The following PDE10A variants were observed in gnomAD, a reference collection of about 807,000 sequenced individuals.
PDE10A encodes cAMP and cAMP-inhibited cGMP 3',5'-cyclic phosphodiesterase 10A.
Under a neutral mutation model 97.7 loss-of-function variants are expected in PDE10A, and 39 were observed. The observed-to-expected ratio is 0.40, with a 90% CI of 0.31 to 0.52. The LOEUF (loss-of-function observed/expected upper bound fraction) is 0.52. Among genes scored for constraint, PDE10A ranks in the 20% least tolerant of loss-of-function variants. The probability of loss-of-function intolerance (pLI) is 0.56; values close to 1 mark genes in which losing one functional copy is unlikely to be tolerated. For missense variants in PDE10A, 731 were observed against 1,047.8 expected, an observed-to-expected ratio of 0.70 and a Z score of 4.17; for synonymous variants, 371 against 376.8, an observed-to-expected ratio of 0.98 and a Z score of 0.18.
chr6:165,834,116 G>A (rs760695197), intron 1 of PDE10A, among the ~76,000 whole-genome samples: 2 of 152,204 alleles, frequency 1.3e-5, no homozygotes, highest in African/African-American at 2.4e-5. Flanking sequence ...GACTTCATAT[G>A]TAGGTGTGGC....
intron 1 of PDE10A, among the ~76,000 whole-genome samples, chr6:165,873,363 C>G (rs1781253112): frequency 6.6e-6 from 1 of 152,222 alleles, no homozygotes; most frequent in African/African-American, 2.4e-5. Context: ...GCAGAGAGGT[C>G]ATTCCCTGGG....
At chr6:165,433,451 C>T (rs566278716) in intron 6 of PDE10A, among the ~76,000 whole-genome samples, 1 of 152,146 alleles carries the variant, frequency 6.6e-6, no homozygotes, top group East Asian at 1.9e-4. Flanking sequence ...CTTCTATGTG[C>T]CGGAACAGTC....
At chr6:165,717,528 G>A (rs541169005) in intron 1 of PDE10A, among the ~76,000 whole-genome samples, 19 of 152,024 alleles carry the variant, frequency 1.2e-4, no homozygotes, top group African/African-American at 4.1e-4. Context: ...AGGTTGTAGT[G>A]AGCCTAGATC....
In PDE10A at chr6:165,671,030, T is replaced by A. The variant is rs189205322; in HGVS notation, c.-614-127462A>T. The stretch of plus-strand genomic sequence containing the variant: ...CACTTTATACGTCTACAGACTAGGG[T>A]TATCTGACCCATCTTTCCGATCAGA... On this transcript the variant is annotated intron_variant, in intron 1 of 19. Transcript: ENST00000366882. This position sits in a 1 kb window ranked among gnomAD's most constrained non-coding sequence, Gnocchi z 4.6. Among the ~76,000 whole-genome samples the A allele has an allele frequency of 6.6e-6, 1 of 152,298 alleles. No individual in the cohort carries two copies. Among genetic ancestry groups the A allele is most frequent in the Admixed American group, 6.5e-5 (1 of 15,292 alleles).
At chr6:165,595,504 T>C (rs1371911665) in intron 1 of PDE10A, among the ~76,000 whole-genome samples, 4 of 152,220 alleles carry the variant, frequency 2.6e-5, no homozygotes, top group Non-Finnish European at 4.4e-5. Context: ...TGTTTGCCCA[T>C]GTTCCATTAT....
chr6:165,805,700 A>G (rs1436898834), intron 1 of PDE10A, among the ~76,000 whole-genome samples: 1 of 152,178 alleles, frequency 6.6e-6, no homozygotes, highest in Non-Finnish European at 1.5e-5. Flanking sequence ...GGATCTCCCC[A>G]GTTCACTGGC....
At chr6:165,355,713 T>C (rs1426839033) in intron 18 of PDE10A, among the ~76,000 whole-genome samples, 2 of 152,176 alleles carry the variant, frequency 1.3e-5, no homozygotes, top group African/African-American at 4.8e-5. Context: ...TGGATAAAAA[T>C]ACCTGAGAGT....
chr6:165,625,923 G>A (rs755638192), intron 1 of PDE10A, among the ~76,000 whole-genome samples: 33 of 152,316 alleles, frequency 2.2e-4, no homozygotes, highest in Non-Finnish European at 3.5e-4. Context: ...GATTCGTTGC[G>A]TTCGGGGGAA....
At chr6:165,918,213 A>C (rs890622001) in intron 1 of PDE10A, among the ~76,000 whole-genome samples, 3 of 152,190 alleles carry the variant, frequency 2.0e-5, no homozygotes, top group African/African-American at 7.2e-5. Flanking sequence ...TTTATTTTTT[A>C]AGAGCCAGGT....
intron 1 of PDE10A, among the ~76,000 whole-genome samples, chr6:165,935,585 G>A (rs375300074): frequency 6.6e-5 from 10 of 152,204 alleles, no homozygotes; most frequent in South Asian, 4.1e-4. Flanking sequence ...AGGAATGGAG[G>A]AGAGTGGATA....
chr6:165,497,791 C>T (rs370987100), intron 2 of PDE10A, among the ~76,000 whole-genome samples: 5 of 152,110 alleles, frequency 3.3e-5, no homozygotes, highest in African/African-American at 9.7e-5. Flanking sequence ...TTATATTTAT[C>T]TGAATTTATC....
chr6:165,913,720 A>G (rs557208093), intron 1 of PDE10A, among the ~76,000 whole-genome samples: 13 of 152,282 alleles, frequency 8.5e-5, no homozygotes, highest in South Asian at 8.3e-4. Flanking sequence ...GGAGACTCTC[A>G]TGATTCTGTA....
At chr6:165,803,007 A>G (rs555148527) in intron 1 of PDE10A, among the ~76,000 whole-genome samples, 4 of 152,280 alleles carry the variant, frequency 2.6e-5, no homozygotes, top group South Asian at 2.1e-4. Flanking sequence ...GCTTTGTTTT[A>G]TGATGCAGAT....
At chr6:165,700,480 A>C (rs1791541610) in intron 1 of PDE10A, among the ~76,000 whole-genome samples, 1 of 152,230 alleles carries the variant, frequency 6.6e-6, no homozygotes, top group African/African-American at 2.4e-5. Context: ...ATGATATCTC[A>C]ATAAATCTTT....
chr6:165,499,185 C>CA (rs1362881226), intron 2 of PDE10A, among the ~76,000 whole-genome samples: 1 of 152,116 alleles, frequency 6.6e-6, no homozygotes, highest in Non-Finnish European at 1.5e-5. Context: ...ATCAGGCCAA[C>CA]AGTAGCCGGG....
intron 1 of PDE10A, among the ~76,000 whole-genome samples, chr6:165,693,845 C>T (rs1475724875): frequency 2.0e-5 from 3 of 152,190 alleles, no homozygotes; most frequent in Non-Finnish European, 4.4e-5. Context: ...ACGGGGCCTT[C>T]CTGAAACAGT....
At chr6:165,429,635 AG>A (rs1789413271) in intron 9 of PDE10A, among the ~76,000 whole-genome samples, 1 of 152,078 alleles carries the variant, frequency 6.6e-6, no homozygotes, top group African/African-American at 2.4e-5. Flanking sequence ...AACTTGTAGG[AG>A]GACATGACCC....
intron 1 of PDE10A, among the ~76,000 whole-genome samples, chr6:165,556,501 G>A (rs2128334270): frequency 6.6e-6 from 1 of 152,216 alleles, no homozygotes; most frequent in East Asian, 1.9e-4. Context: ...GATTAAAGGG[G>A]ACAATAGTCA....
intron 1 of PDE10A, among the ~76,000 whole-genome samples, chr6:165,940,934 C>T (rs142878004): frequency 1.6e-4 from 24 of 152,284 alleles, no homozygotes; most frequent in African/African-American, 5.8e-4. Context: ...TAAATTGTTT[C>T]ATCTCCATAG....
Sources: allele counts gnomAD v4.1 joint callset (sites outside exome capture counted in the v4.1 genomes callset), GRCh38; gene constraint gnomAD v4.1.1; non-coding constraint Gnocchi (gnomAD v3.1); transcripts MANE v1.5; gene names NCBI Gene and HGNC (gene_info 2026-07-23, HGNC 2026-07-21).